Variants in NSUN7 observed in about 807,000 individuals in gnomAD.
NSUN7 encodes the protein protein NSUN7.
NSUN7 carries 39 observed loss-of-function variants against 58.5 expected under a neutral mutation model. The ratio of observed to expected loss-of-function variants is 0.67; its 90% confidence interval spans 0.52 to 0.87. The LOEUF (loss-of-function observed/expected upper bound fraction) is 0.87. Among genes scored for constraint, NSUN7 ranks in the 40% least tolerant of loss-of-function variants. NSUN7 has a pLI of 0.00. For synonymous variants in NSUN7, 278 were observed against 303.7 expected (o/e 0.92, Z 0.88); for missense variants, 765 against 844.1 (o/e 0.91, Z 1.16).
rs1026133035 is a variant in NSUN7 at position 40,757,198 on chromosome 4, C to T, written c.299-3236C>T. On this transcript the variant is annotated intron_variant, in intron 2 of 11. Coordinates refer to ENST00000381782, the MANE Select transcript of NSUN7 (RefSeq NM_024677.6). ...GAGCCGAGATTGCACCACTGCACTC[C>T]AGCCTGGGCGACAGAGCAAGATTCC... 3.3e-5 allele frequency among the ~76,000 whole-genome samples: 5 copies of T among 152,124 alleles called. No individual in the cohort carries two copies. In the East Asian group the frequency reaches 9.6e-4, roughly 29 times the overall value.
At chr4:40,794,625 ATATT>A (rs1370058731) in intron 9 of NSUN7, 149 bp downstream of exon 9, 5 of 497,028 alleles carry the variant, frequency 1.0e-5, no homozygotes, top group Non-Finnish European at 1.5e-5. Context: ...AAATAACAAA[ATATT>A]TATCTTTACC....
chr4:40,753,974 C>T (rs1283759738), intron 2 of NSUN7, among the ~76,000 whole-genome samples: 1 of 152,106 alleles, frequency 6.6e-6, no homozygotes, highest in Admixed American at 6.6e-5. Flanking sequence ...TCCATTAAAC[C>T]TCTGTCTTTT....
At chr4:40,755,377 C>T (rs772752314) in intron 2 of NSUN7, among the ~76,000 whole-genome samples, 20 of 152,096 alleles carry the variant, frequency 1.3e-4, no homozygotes, top group Non-Finnish European at 2.2e-4. Flanking sequence ...CGTGAGCCAC[C>T]GTGCCTGGCC....
intron 7 of NSUN7, among the ~76,000 whole-genome samples, chr4:40,780,992 A>AT (rs1399945410): frequency 2.0e-5 from 3 of 149,830 alleles, no homozygotes; most frequent in Non-Finnish European, 3.0e-5. Context: ...AATTTTTTGT[A>AT]TTTTTTTAGT....
intron 2 of NSUN7, among the ~76,000 whole-genome samples, chr4:40,755,830 G>C (rs986260672): frequency 1.3e-5 from 2 of 152,220 alleles, no homozygotes; most frequent in African/African-American, 4.8e-5. Context: ...GTCCAGGAGA[G>C]ACTAGACGCA....
In NSUN7 at chr4:40,776,190, G is replaced by C. The variant is rs1469536429; in HGVS notation, c.967G>C (p.Val323Leu). 9 of 1,612,408 alleles carry C rather than the reference G, an allele frequency of 5.6e-6. No individual in the cohort carries two copies. Among genetic ancestry groups the C allele is most frequent in the Non-Finnish European group, 7.6e-6 (9 of 1,179,406 alleles). ...LTNNNTSKVFVCGVQSQAKDP... is the reference protein window; with the variant it reads ...LTNNNTSKVFLCGVQSQAKDP... ...AAATAATAATACCTCAAAAGTATTT[G>C]TGTGTGGAGTACAATCACAAGCTAA... The change falls in exon 7 of 12, where the codon GTG (valine) becomes CTG (leucine). Residue 323 changes from valine to leucine, a missense_variant. Coordinates refer to ENST00000381782, the MANE Select transcript of NSUN7 (RefSeq NM_024677.6).
At chr4:40,760,537 T>A (rs547722778) in intron 3 of NSUN7, 45 bp downstream of exon 3, 171 of 1,468,430 alleles carry the variant, frequency 1.2e-4, no homozygotes, top group East Asian at 4.1e-4. Flanking sequence ...TGATTTTTTT[T>A]AAAAAAGAAA....
intron 2 of NSUN7, among the ~76,000 whole-genome samples, chr4:40,752,554 G>A (rs1740886773): frequency 6.6e-6 from 1 of 152,126 alleles, no homozygotes. Flanking sequence ...CTGAGTAGCT[G>A]GGACTACAGG....
chr4:40,802,509 TCTGGAGGGACACTTGGAGA>T (rs1743628668), intron 10 of NSUN7, among the ~76,000 whole-genome samples: 1 of 152,146 alleles, frequency 6.6e-6, no homozygotes, highest in Non-Finnish European at 1.5e-5. Context: ...TATGTGATGG[TCTGGAGGGACACTTGGAGA>T]GCTGGGGTAG....
chr4:40,785,913 C>T (rs536335520), intron 7 of NSUN7, among the ~76,000 whole-genome samples: 2 of 152,322 alleles, frequency 1.3e-5, no homozygotes, highest in South Asian at 2.1e-4. Flanking sequence ...TGCCAGGCGC[C>T]CAGTCCTCCG....
chr4:40,778,464 G>T (rs1417714934), intron 7 of NSUN7, among the ~76,000 whole-genome samples: 1 of 152,190 alleles, frequency 6.6e-6, no homozygotes, highest in Non-Finnish European at 1.5e-5. Flanking sequence ...AATTGTGAGG[G>T]CAGAGCCCTC....
intron 4 of NSUN7, chr4:40,773,386 TA>T (rs1238953252): frequency 2.0e-5 from 3 of 152,210 alleles, no homozygotes; most frequent in Non-Finnish European, 2.9e-5. Flanking sequence ...TCTCAATAAA[TA>T]AAGTTTGTCT....
chr4:40,804,420 C>G (rs1478684831), intron 10 of NSUN7, among the ~76,000 whole-genome samples: 1 of 146,952 alleles, frequency 6.8e-6, no homozygotes, highest in Non-Finnish European at 1.5e-5. Context: ...GCCTGGGTGA[C>G]AGAGCAAGAC....
At chr4:40,774,725 G>A (rs754292578) in intron 5 of NSUN7, 42 bp from the exon 6 acceptor site, 3 of 1,241,280 alleles carry the variant, frequency 2.4e-6, no homozygotes, top group Non-Finnish European at 2.3e-6. Context: ...CGTTTTTAAT[G>A]TATTATATTT....
At chr4:40,778,347 T>C (rs6834203) in intron 7 of NSUN7, among the ~76,000 whole-genome samples, 71,310 of 152,090 alleles carry the variant, frequency 0.47, 16,991 homozygotes, top group Admixed American at 0.59. Context: ...CTAATCAGAA[T>C]ACATGGAAAA....
Position 40,774,293 on chromosome 4 carries a change from G to T in NSUN7, c.517G>T (p.Ala173Ser). The change falls in exon 5 of 12, where the codon GCA (alanine) becomes TCA (serine). Residue 173 changes from alanine (A) to serine (S), a missense_variant. By Grantham distance (99) the Ala-to-Ser change is moderately conservative. Transcript: ENST00000381782. ...SFKIKLAAAL[A>S]RCRIKHDALS... ...TAAGATAAAATTGGCTGCAGCATTG[G>T]CAAGATGTCGAATCAAGCATGATGC... 1 of 1,614,054 alleles carries T rather than the reference G, an allele frequency of 6.2e-7. No homozygotes were observed.
In NSUN7 at chr4:40,762,816, G is replaced by C. The variant is rs548545803; in HGVS notation, c.488+1515G>C. On this transcript the variant is annotated intron_variant, in intron 4 of 11. Transcript: ENST00000381782. ...TGAACCTGATTGTGAACTGCACATG[G>C]TGAGGGATCTAGGTTGCATGCTCCT... The C allele has an allele frequency of 2.6e-5, 4 of 152,176 alleles. No individual in the cohort carries two copies. The South Asian group carries it at 8.3e-4, about 32-fold the overall frequency. 9.4% of individuals were successfully genotyped at this position (152,176 alleles called of 1,614,324 possible).
intron 2 of NSUN7, among the ~76,000 whole-genome samples, chr4:40,754,107 T>C (rs1243164004): frequency 6.6e-6 from 1 of 152,010 alleles, no homozygotes; most frequent in Non-Finnish European, 1.5e-5. Context: ...GAATTTTATG[T>C]AGTGGATTTT....
chr4:40,792,459 TGTC>T (rs1207492793), intron 8 of NSUN7, among the ~76,000 whole-genome samples: 4 of 152,108 alleles, frequency 2.6e-5, no homozygotes, highest in African/African-American at 9.7e-5. Flanking sequence ...GCTAAGAAGT[TGTC>T]GTATACTGGC....
Sources: allele counts gnomAD v4.1 joint callset (sites outside exome capture counted in the v4.1 genomes callset), GRCh38; gene constraint gnomAD v4.1.1; transcripts MANE v1.5; gene names NCBI Gene and HGNC (gene_info 2026-07-23, HGNC 2026-07-21).